The following MALRD1 variants were observed in gnomAD, a reference collection of about 807,000 sequenced individuals.
The protein encoded by MALRD1 is MAM and LDL-receptor class A domain-containing protein 1.
Under a neutral mutation model 242.1 loss-of-function variants are expected in MALRD1, and 247 were observed. The observed-to-expected ratio is 1.02, with a 90% CI of 0.92 to 1.13. The LOEUF (loss-of-function observed/expected upper bound fraction) is 1.13, where lower values mean the gene tolerates loss of function less well. Ranked by LOEUF, MALRD1 falls within the 50% of genes most tolerant of loss-of-function variation. The pLI, the probability that MALRD1 is intolerant of heterozygous loss-of-function variation, is 0.00. For synonymous variants in MALRD1, 995 were observed against 866.6 expected, an observed-to-expected ratio of 1.15 and a Z score of -2.60; for missense variants, 2,989 against 2,533.1, an observed-to-expected ratio of 1.18 and a Z score of -3.86.
At chr10:19,054,544 A>G (rs1372876763) in intron 1 of MALRD1, among the ~76,000 whole-genome samples, 2 of 152,160 alleles carry the variant, frequency 1.3e-5, no homozygotes, top group Admixed American at 6.5e-5. Context: ...TGTGACTTTT[A>G]TTATCTTCCC....
intron 38 of MALRD1, among the ~76,000 whole-genome samples, chr10:19,706,752 G>C (rs180872811): frequency 1.3e-5 from 2 of 152,280 alleles, no homozygotes; most frequent in Admixed American, 1.3e-4. Context: ...AAGGATAGCA[G>C]TTGGATCTAG....
intron 21 of MALRD1, among the ~76,000 whole-genome samples, chr10:19,319,566 A>G (rs142393946): frequency 7.8e-4 from 119 of 152,254 alleles, no homozygotes; most frequent in African/African-American, 2.7e-3. Context: ...TCTCATAAAC[A>G]AAGAGACTTA....
chr10:19,160,544 T>C (rs1834352059), intron 12 of MALRD1, among the ~76,000 whole-genome samples: 2 of 22,706 alleles, frequency 8.8e-5, no homozygotes, highest in South Asian at 2.4e-3. Flanking sequence ...ATGGTACCAG[T>C]TCCTCCTTGT....
intron 33 of MALRD1, among the ~76,000 whole-genome samples, chr10:19,570,522 G>A (rs2131470967): frequency 6.6e-6 from 1 of 152,152 alleles, no homozygotes; most frequent in Middle Eastern, 3.4e-3. Context: ...CCTCTTCCCT[G>A]TGGTTTGTGG....
intron 29 of MALRD1, among the ~76,000 whole-genome samples, chr10:19,485,362 G>A (rs1773321103): frequency 1.3e-5 from 2 of 152,124 alleles, no homozygotes; most frequent in Admixed American, 1.3e-4. Context: ...TAATAAAGAA[G>A]GCCGGGCACG....
intron 5 of MALRD1, among the ~76,000 whole-genome samples, chr10:19,104,643 C>T (rs747875972): frequency 6.6e-5 from 10 of 151,500 alleles, no homozygotes; most frequent in Non-Finnish European, 1.0e-4. Flanking sequence ...AGGCTTAATC[C>T]AATAATAAAA....
rs541309939 is a variant in MALRD1 at position 19,151,959 on chromosome 10, A to G, written c.1559-3116A>G. Among the ~76,000 whole-genome samples, 4 of 152,274 alleles carry G rather than the reference A, an allele frequency of 2.6e-5. No individual in the cohort carries two copies. In the South Asian group the frequency reaches 6.2e-4, roughly 24 times the overall value. The stretch of plus-strand genomic sequence containing the variant: ...GTGAAAGTTATAGAGACTGGCCTCT[A>G]ACGTTCCTAAGACACGTAAGGTGTT... On this transcript the variant is annotated intron_variant, in intron 11 of 39. Coordinates refer to ENST00000454679, the MANE Select transcript of MALRD1 (RefSeq NM_001142308.3).
At chr10:19,731,066 T>C (rs979971749) in intron 39 of MALRD1, among the ~76,000 whole-genome samples, 2 of 152,220 alleles carry the variant, frequency 1.3e-5, no homozygotes, top group African/African-American at 4.8e-5. Flanking sequence ...CTGAAAAATC[T>C]GGGAAATATC....
chr10:19,147,274 G>C (rs895289013), intron 11 of MALRD1, among the ~76,000 whole-genome samples: 1 of 152,238 alleles, frequency 6.6e-6, no homozygotes, highest in South Asian at 2.1e-4. Flanking sequence ...AATAAGTATT[G>C]ATCATATTTT....
intron 31 of MALRD1, 79 bp from the exon 32 acceptor site, chr10:19,531,115 T>A (rs956834747): frequency 1.7e-6 from 2 of 1,184,142 alleles, no homozygotes; most frequent in East Asian, 5.3e-5. Context: ...TAAAAAGATA[T>A]CTGTTAATAG....
intron 38 of MALRD1, among the ~76,000 whole-genome samples, chr10:19,712,268 C>G (rs968246090): frequency 2.0e-5 from 3 of 151,932 alleles, no homozygotes; most frequent in Non-Finnish European, 4.4e-5. Flanking sequence ...TTTAAGAAAT[C>G]GAATAAAATC....
At chr10:19,646,839 T>A (rs1454355657) in intron 36 of MALRD1, among the ~76,000 whole-genome samples, 10 of 152,146 alleles carry the variant, frequency 6.6e-5, no homozygotes, top group Admixed American at 6.6e-4. Context: ...CACTCTCATT[T>A]GTGACAGAAG....
At chr10:19,263,502 G>T (rs573602789) in intron 19 of MALRD1, among the ~76,000 whole-genome samples, 93 of 150,760 alleles carry the variant, frequency 6.2e-4, no homozygotes, top group African/African-American at 2.2e-3. Context: ...GTTTTTTTTT[G>T]TTTTGTTTGT....
chr10:19,410,531 C>A (rs747614082), intron 28 of MALRD1, among the ~76,000 whole-genome samples: 1 of 152,142 alleles, frequency 6.6e-6, no homozygotes, highest in Non-Finnish European at 1.5e-5. Context: ...TAAATTAAAT[C>A]TCTCAGCTAA....
At chr10:19,627,236 A>G (rs1839692578) in intron 36 of MALRD1, among the ~76,000 whole-genome samples, 1 of 152,090 alleles carries the variant, frequency 6.6e-6, no homozygotes, top group African/African-American at 2.4e-5. Flanking sequence ...AAAAGCATAA[A>G]ATTTCTTTGG....
At chr10:19,560,061 A>G (rs1835895193) in intron 32 of MALRD1, among the ~76,000 whole-genome samples, 1 of 152,244 alleles carries the variant, frequency 6.6e-6, no homozygotes, top group South Asian at 2.1e-4. Context: ...TAGTTCAACC[A>G]TTGTGGAAGA....
chr10:19,394,314 C>G (rs142805966), intron 28 of MALRD1, among the ~76,000 whole-genome samples: 2 of 152,244 alleles, frequency 1.3e-5, no homozygotes, highest in African/African-American at 4.8e-5. Context: ...CTTGCCTCAG[C>G]TCACATGGTA....
At chr10:19,362,801 G>A (rs1246143413) in intron 26 of MALRD1, among the ~76,000 whole-genome samples, 1 of 152,136 alleles carries the variant, frequency 6.6e-6, no homozygotes, top group Non-Finnish European at 1.5e-5. Flanking sequence ...GGTAAGAGCA[G>A]CAGGACTACT....
rs368519514 is a variant in MALRD1 at position 19,233,450 on chromosome 10, C to T, written c.2991+23770C>T. Among the ~76,000 whole-genome samples, 89 of 152,096 alleles carry T rather than the reference C, an allele frequency of 5.9e-4. 2 individuals are homozygous for T. Among genetic ancestry groups the T allele is most frequent in the African/African-American group, 2.0e-3 (83 of 41,476 alleles). On this transcript the variant is annotated intron_variant, in intron 18 of 39. Transcript: ENST00000454679. Reference sequence around the variant, plus strand: ...CTGGGAGGTGGGGGTTACAGTGAGCCGAGATCATGCCATTGTACTCCAGCC... The same window carrying T: ...CTGGGAGGTGGGGGTTACAGTGAGCTGAGATCATGCCATTGTACTCCAGCC...
Sources: allele counts gnomAD v4.1 joint callset (sites outside exome capture counted in the v4.1 genomes callset), GRCh38; gene constraint gnomAD v4.1.1; transcripts MANE v1.5; gene names NCBI Gene and HGNC (gene_info 2026-07-23, HGNC 2026-07-21).